Variants in FSTL5 observed in about 807,000 individuals in gnomAD.
The protein encoded by FSTL5 is follistatin-related protein 5.
In FSTL5, 62 loss-of-function variants were observed where a neutral mutation model predicts 89.1. The observed-to-expected ratio is 0.70, with a 90% CI of 0.57 to 0.86. The LOEUF is 0.86. Among genes scored for constraint, FSTL5 ranks in the 40% least tolerant of loss-of-function variants. The pLI is 0.00. For missense variants in FSTL5, 1,057 were observed against 1,001.6 expected (o/e 1.06, Z -0.75); for synonymous variants, 383 against 346.2 (o/e 1.11, Z -1.18).
intron 8 of FSTL5, among the ~76,000 whole-genome samples, chr4:161,580,421 C>G (rs1733392064): frequency 6.6e-6 from 1 of 152,012 alleles, no homozygotes; most frequent in African/African-American, 2.4e-5. Context: ...AGAAAAGACC[C>G]TAGGTTCAAC....
Position 161,385,700 on chromosome 4 carries a change from G to C in FSTL5, c.*47C>G. ...TGTAAATTTAAACAATGGATTAAGTGCAATGTATTGTAAAACGCTTCATTC... is the reference window on the plus strand; with the variant it reads ...TGTAAATTTAAACAATGGATTAAGTCCAATGTATTGTAAAACGCTTCATTC... On this transcript the variant is annotated 3_prime_UTR_variant, in exon 16 of 16. Transcript: ENST00000306100. The C allele has an allele frequency of 4.7e-6, 6 of 1,270,906 alleles. No homozygotes were observed. The highest frequency in any genetic ancestry group is 6.6e-6 in the Non-Finnish European group (6 of 907,910). The allele number at this position is 1,270,906 out of a possible 1,614,324, so 78.7% of individuals were successfully genotyped here.
chr4:161,445,166 T>TTCAA (rs1183593203), intron 15 of FSTL5, among the ~76,000 whole-genome samples: 1 of 151,958 alleles, frequency 6.6e-6, no homozygotes, highest in African/African-American at 2.4e-5. Flanking sequence ...GAGAAACGCT[T>TTCAA]TCAATGAGTA....
At chr4:162,052,752 A>C (rs936058593) in intron 2 of FSTL5, among the ~76,000 whole-genome samples, 3 of 151,856 alleles carry the variant, frequency 2.0e-5, no homozygotes, top group Non-Finnish European at 4.4e-5. Context: ...TATGTGAATT[A>C]ACAGCATAAA....
intron 4 of FSTL5, 66 bp from the exon 5 acceptor site, chr4:161,776,140 G>A (rs1201828644): frequency 6.1e-6 from 5 of 820,648 alleles, no homozygotes; most frequent in Non-Finnish European, 8.8e-6. Flanking sequence ...TTTAATTAAG[G>A]TTTAGAAGTT....
At chr4:162,139,473 AACACACACAT>A (rs1398333617) in intron 1 of FSTL5, among the ~76,000 whole-genome samples, 1 of 149,594 alleles carries the variant, frequency 6.7e-6, no homozygotes, top group Non-Finnish European at 1.5e-5. Flanking sequence ...CACACACACA[AACACACACAT>A]ACACATACAC....
intron 12 of FSTL5, among the ~76,000 whole-genome samples, chr4:161,487,106 A>T (rs1427335551): frequency 6.6e-6 from 1 of 152,168 alleles, no homozygotes; most frequent in African/African-American, 2.4e-5. Context: ...TGTGACATAT[A>T]ATTTGGCAAT....
At chr4:161,786,807 G>A (rs1165154746) in intron 4 of FSTL5, among the ~76,000 whole-genome samples, 2 of 152,038 alleles carry the variant, frequency 1.3e-5, no homozygotes, top group Non-Finnish European at 2.9e-5. Context: ...CAAATACTAT[G>A]TATTAAGAAC....
chr4:162,066,579 C>A, intron 2 of FSTL5, among the ~76,000 whole-genome samples: 1 of 148,392 alleles, frequency 6.7e-6, no homozygotes, highest in Non-Finnish European at 1.5e-5. Context: ...CTCTCCCTCC[C>A]CTTGCCCCCC....
intron 13 of FSTL5, among the ~76,000 whole-genome samples, chr4:161,476,244 A>G (rs1214700816): frequency 7.9e-6 from 1 of 126,092 alleles, no homozygotes; most frequent in African/African-American, 3.1e-5. Flanking sequence ...CTGGAGTGCA[A>G]TGGTGCAATA....
chr4:162,151,214 GT>G (rs1407062897), intron 1 of FSTL5, among the ~76,000 whole-genome samples: 1 of 152,026 alleles, frequency 6.6e-6, no homozygotes, highest in African/African-American at 2.4e-5. Context: ...ATTGGAAAAA[GT>G]TTTTAAATTA....
chr4:161,496,316 G>C (rs1730066670), intron 12 of FSTL5, among the ~76,000 whole-genome samples: 1 of 152,120 alleles, frequency 6.6e-6, no homozygotes, highest in African/African-American at 2.4e-5. Flanking sequence ...TTATATGTCA[G>C]CATGGCTAGC....
intron 3 of FSTL5, among the ~76,000 whole-genome samples, chr4:161,997,476 T>C (rs1736328669): frequency 6.6e-6 from 1 of 152,196 alleles, no homozygotes; most frequent in African/African-American, 2.4e-5. Context: ...ATAGATTTAC[T>C]CTATATATGC....
chr4:162,146,019 G>A (rs1732969242), intron 1 of FSTL5, among the ~76,000 whole-genome samples: 1 of 152,104 alleles, frequency 6.6e-6, no homozygotes, highest in Non-Finnish European at 1.5e-5. Flanking sequence ...CTATTTCACA[G>A]TTTCATAATA....
chr4:161,618,557 C>A (rs983387259), intron 7 of FSTL5, among the ~76,000 whole-genome samples: 11 of 151,506 alleles, frequency 7.3e-5, no homozygotes, highest in African/African-American at 2.7e-4. Context: ...TTGTCAACGG[C>A]CTTTTCTGCA....
intron 5 of FSTL5, among the ~76,000 whole-genome samples, chr4:161,767,839 T>C (rs965227): frequency 0.03 from 4,552 of 151,964 alleles, 77 homozygotes; most frequent in African/African-American, 0.04. Flanking sequence ...AATTAAAGAA[T>C]CAAATTATCA....
intron 2 of FSTL5, among the ~76,000 whole-genome samples, chr4:162,052,881 A>T (rs1738427424): frequency 6.6e-6 from 1 of 151,762 alleles, no homozygotes. Context: ...GAATTTATTC[A>T]CCCTAATTGT....
intron 4 of FSTL5, among the ~76,000 whole-genome samples, chr4:161,853,259 G>C (rs1204417360): frequency 1.3e-5 from 2 of 151,794 alleles, no homozygotes; most frequent in African/African-American, 4.8e-5. Flanking sequence ...TAAGTGACTT[G>C]TTTGTTGTTG....
At chr4:161,486,165 A>AAAAT (rs201126683) in intron 12 of FSTL5, among the ~76,000 whole-genome samples, 1 of 147,516 alleles carries the variant, frequency 6.8e-6, no homozygotes, top group Non-Finnish European at 1.5e-5. Context: ...AAAAAAAAAA[A>AAAAT]GTAAATATCT....
chr4:161,673,019 T>C (rs1440762357), intron 6 of FSTL5, among the ~76,000 whole-genome samples: 1 of 152,050 alleles, frequency 6.6e-6, no homozygotes, highest in Non-Finnish European at 1.5e-5. Context: ...TTAAATGCTA[T>C]ACAAATGCCT....
Sources: gnomAD v4.1 joint callset for allele counts (sites outside exome capture counted in the v4.1 genomes callset) on GRCh38, gnomAD v4.1.1 for gene constraint, MANE v1.5 for transcripts, NCBI Gene and HGNC (gene_info 2026-07-23, HGNC 2026-07-21) for gene names.